Variants in ATAD2B observed in about 807,000 individuals in gnomAD.
ATAD2B encodes the protein ATPase family AAA domain-containing protein 2B.
A neutral mutation model predicts 167.6 loss-of-function variants in ATAD2B; 40 were observed. The ratio of observed to expected loss-of-function variants is 0.24; its 90% CI spans 0.19 to 0.31. The LOEUF is 0.31. Ranked by LOEUF, ATAD2B falls within the 10% of genes least tolerant of loss-of-function variation. The pLI is 1.00. For synonymous variants in ATAD2B, 579 were observed against 596.5 expected, an observed-to-expected ratio of 0.97 and a Z score of 0.43; for missense variants, 1,242 against 1,757.2, an observed-to-expected ratio of 0.71 and a Z score of 5.24.
At chr2:23,921,636 T>C (rs1230054539) in intron 1 of ATAD2B, among the ~76,000 whole-genome samples, 2 of 152,236 alleles carry the variant, frequency 1.3e-5, no homozygotes, top group African/African-American at 4.8e-5. Context: ...AATGCGTGTA[T>C]ATCTGGACTA....
intron 21 of ATAD2B, among the ~76,000 whole-genome samples, chr2:23,784,982 T>C (rs539328877): frequency 3.9e-5 from 6 of 152,048 alleles, no homozygotes; most frequent in Non-Finnish European, 8.8e-5. Flanking sequence ...ATAATGATCC[T>C]ACAAGGTTGA....
intron 4 of ATAD2B, among the ~76,000 whole-genome samples, chr2:23,886,538 T>C (rs1698680270): frequency 6.6e-6 from 1 of 152,192 alleles, no homozygotes; most frequent in African/African-American, 2.4e-5. Context: ...TAAAAATAAG[T>C]AATTGTATAA....
At chr2:23,811,307 A>G (rs1685550076) in intron 17 of ATAD2B, 3 of 152,192 alleles carry the variant, frequency 2.0e-5, no homozygotes, top group Non-Finnish European at 4.4e-5. Context: ...TGGATTAGTT[A>G]TATCATCAAA....
chr2:23,807,947 A>ATAAATATATTTATAATATATATAAATATC (rs1684769384), intron 18 of ATAD2B, among the ~76,000 whole-genome samples: 1 of 125,398 alleles, frequency 8.0e-6, no homozygotes, highest in Non-Finnish European at 1.6e-5. Flanking sequence ...ATATAAATAT[A>ATAAATATATTTATAATATATATAAATATC]TAAATATTTA....
At chr2:23,735,137 T>C in the ATAD2B span, among the ~76,000 whole-genome samples, 1 of 152,336 alleles carries the variant, frequency 6.6e-6, no homozygotes, top group South Asian at 2.1e-4. Flanking sequence ...TCCTCCATAA[T>C]AAGACCCCAA....
chr2:23,742,970 A>G, the ATAD2B span, among the ~76,000 whole-genome samples: 1 of 152,142 alleles, frequency 6.6e-6, no homozygotes, highest in African/African-American at 2.4e-5. Flanking sequence ...GTGAAATTCC[A>G]GAGCATCAGA....
At chr2:23,791,505 C>T (rs1425283160) in intron 19 of ATAD2B, among the ~76,000 whole-genome samples, 3 of 148,850 alleles carry the variant, frequency 2.0e-5, no homozygotes, top group Admixed American at 1.3e-4. Context: ...TGGCAAAAAA[C>T]GCAATTACTC....
intron 24 of ATAD2B, among the ~76,000 whole-genome samples, chr2:23,758,683 T>C (rs1390420178): frequency 1.3e-5 from 2 of 152,192 alleles, no homozygotes; most frequent in African/African-American, 2.4e-5. Flanking sequence ...ATTTGGACAA[T>C]TTGGTGAGCC....
chr2:23,745,422 A>AAGAAAGG (rs1491261605), downstream of ATAD2B, among the ~76,000 whole-genome samples: 1 of 85,012 alleles, frequency 1.2e-5, no homozygotes, highest in Non-Finnish European at 2.4e-5. Flanking sequence ...GGAAGGAAGG[A>AAGAAAGG]AAGGGAAGGG....
chr2:23,855,777 TA>T (rs1693298771), intron 13 of ATAD2B, among the ~76,000 whole-genome samples: 1 of 152,334 alleles, frequency 6.6e-6, no homozygotes, highest in Admixed American at 6.5e-5. Context: ...TAGTTCTAGC[TA>T]CTCAGGAGGC....
At chr2:23,760,699 TACAC>T (rs1238984150) in intron 24 of ATAD2B, among the ~76,000 whole-genome samples, 126 of 123,692 alleles carry the variant, frequency 1.0e-3, no homozygotes, top group African/African-American at 2.0e-3. Flanking sequence ...TTTATATATA[TACAC>T]ACACACACAC....
At chr2:23,713,118 T>C in the ATAD2B span, among the ~76,000 whole-genome samples, 2 of 152,250 alleles carry the variant, frequency 1.3e-5, no homozygotes, top group African/African-American at 4.8e-5. Context: ...TTTTTGCCAT[T>C]AGAAGTTTTA....
the ATAD2B span, among the ~76,000 whole-genome samples, chr2:23,715,589 T>A: frequency 1.3e-5 from 2 of 151,952 alleles, no homozygotes; most frequent in Non-Finnish European, 2.9e-5. Context: ...AAAAAAATCA[T>A]ATTAAAGCAT....
At chr2:23,822,608 C>T (rs1337722396) in intron 16 of ATAD2B, among the ~76,000 whole-genome samples, 2 of 151,316 alleles carry the variant, frequency 1.3e-5, no homozygotes, top group Admixed American at 6.6e-5. Context: ...GAGTGCTTAC[C>T]TGCAAGCCTG....
chr2:23,908,306 C>A (rs1469293609), intron 1 of ATAD2B, among the ~76,000 whole-genome samples: 1 of 152,004 alleles, frequency 6.6e-6, no homozygotes, highest in Non-Finnish European at 1.5e-5. Context: ...AAAAAACAAC[C>A]CCATCAACAA....
chr2:23,888,469 G>A, intron 2 of ATAD2B, 70 bp from the exon 3 acceptor site: 2 of 945,974 alleles, frequency 2.1e-6, no homozygotes, highest in East Asian at 3.0e-5. Context: ...ATGAAATACT[G>A]CTGGAATTAT....
In ATAD2B at chr2:23,810,411, G is replaced by T; in HGVS notation, c.2359C>A (p.Leu787Ile). Residue 787 changes from leucine (L) to isoleucine (I), a missense_variant, in exon 18 of 28, where the codon CTT becomes ATT. This residue lies in a region of ATAD2B where 145 missense variants were observed against 181.9 expected (regional missense o/e 0.80). Transcript: ENST00000238789. ...GAGAATCTTTCTAGAGTGTGCAAAA[G>T]TGCTGGAGCAAGGTGAGAAGTTTGA... ...SGQTSHLAPA[L>I]LHTLERFSVH... is the part of the protein sequence containing the mutation. 1 of 1,613,902 alleles carries T rather than the reference G, an allele frequency of 6.2e-7. No individual in the cohort carries two copies. Among genetic ancestry groups the T allele is most frequent in the Non-Finnish European group, 8.5e-7 (1 of 1,179,822 alleles).
At chr2:23,816,509 T>A (rs1686478374) in intron 17 of ATAD2B, among the ~76,000 whole-genome samples, 2 of 152,064 alleles carry the variant, frequency 1.3e-5, no homozygotes, top group African/African-American at 2.4e-5. Flanking sequence ...CCCAACATAG[T>A]GGATGAAAAA....
At chr2:23,762,789 G>A (rs1310896443) in intron 23 of ATAD2B, among the ~76,000 whole-genome samples, 2 of 152,128 alleles carry the variant, frequency 1.3e-5, no homozygotes, top group African/African-American at 4.8e-5. Flanking sequence ...CAGTTTGGTT[G>A]TCCTGCATTA....
Sources: gnomAD v4.1 joint callset for allele counts (sites outside exome capture counted in the v4.1 genomes callset) on GRCh38, gnomAD v4.1.1 for gene constraint, gnomAD v4.1.1 regional missense constraint, MANE v1.5 for transcripts, NCBI Gene and HGNC (gene_info 2026-07-23, HGNC 2026-07-21) for gene names.